The following GLE1 variants were observed in gnomAD, a reference collection of about 807,000 sequenced individuals.
The protein encoded by GLE1 is GLE1 RNA export mediator, also known as mRNA export factor GLE1.
In GLE1, 78 loss-of-function variants were observed where a neutral mutation model predicts 97.3. That is an observed-to-expected ratio of 0.80 (90% CI 0.67 to 0.97). The LOEUF is 0.97. GLE1 is among the 50% of genes least tolerant of loss of function. The pLI is 0.00. For missense variants in GLE1, 753 were observed against 857.5 expected (o/e 0.88, Z 1.52); for synonymous variants, 302 against 313.4 (o/e 0.96, Z 0.39).
Position 128,504,898 on chromosome 9 carries a change from G to A in GLE1, c.93G>A (p.Arg31=). ...GCTACTACCGCGACTGGCTGCTGCG[G>A]CGCGAGGTGAGCGGTGGCCCCGGAG... The part of the protein sequence containing the change: ...RLCYYRDWLL[R]REDVLEECMS... The change falls in exon 1 of 16, where the codon CGG becomes CGA. Residue 31 remains arginine (R), a synonymous_variant. Coordinates refer to ENST00000309971, the MANE Select transcript of GLE1 (RefSeq NM_001003722.2). 6.2e-7 allele frequency: 1 copy of A among 1,606,378 alleles called. No individual in the cohort carries two copies. Among genetic ancestry groups the A allele is most frequent in the Non-Finnish European group, 8.5e-7 (1 of 1,173,100 alleles).
intron 13 of GLE1, among the ~76,000 whole-genome samples, chr9:128,538,391 G>A (rs778597703): frequency 6.6e-5 from 10 of 152,152 alleles, no homozygotes; most frequent in Non-Finnish European, 1.2e-4. Context: ...GGCCGGGTGC[G>A]GTGGATCACA....
chr9:128,517,293 A>G (rs1847017112), intron 3 of GLE1, among the ~76,000 whole-genome samples: 1 of 152,066 alleles, frequency 6.6e-6, no homozygotes, highest in Non-Finnish European at 1.5e-5. Flanking sequence ...TTATCTCAAA[A>G]AAAAAAAAGA....
intron 3 of GLE1, among the ~76,000 whole-genome samples, chr9:128,522,241 A>G (rs766263704): frequency 6.6e-6 from 1 of 152,216 alleles, no homozygotes; most frequent in African/African-American, 2.4e-5. Context: ...AGGAGAAAGG[A>G]TATTCCTGCA....
chr9:128,508,765 T>C, intron 1 of GLE1, 111 bp from the exon 2 acceptor site: 3 of 735,250 alleles, frequency 4.1e-6, no homozygotes, highest in Non-Finnish European at 7.4e-6. Context: ...TTACTTTGGG[T>C]CTTTGATGTT....
intron 1 of GLE1, among the ~76,000 whole-genome samples, chr9:128,508,064 C>T: frequency 6.6e-6 from 1 of 151,832 alleles, no homozygotes; most frequent in Non-Finnish European, 1.5e-5. Flanking sequence ...CCTGTAATCC[C>T]AGCTACTCAG....
intron 9 of GLE1, among the ~76,000 whole-genome samples, chr9:128,528,292 CTG>C (rs1163102562): frequency 6.7e-6 from 1 of 149,950 alleles, no homozygotes; most frequent in Non-Finnish European, 1.5e-5. Flanking sequence ...GCGTGAGCCA[CTG>C]TGCCCAGCCC....
intron 9 of GLE1, 77 bp from the exon 10 acceptor site, chr9:128,533,427 CAAAAAAAAA>C (rs5900802): frequency 3.7e-4 from 169 of 453,580 alleles, no homozygotes; most frequent in African/African-American, 1.1e-3. Context: ...GATACTGTCT[CAAAAAAAAA>C]AAAAAAAAAA....
At chr9:128,528,857 A>G (rs564287937) in intron 9 of GLE1, 1 of 152,194 alleles carries the variant, frequency 6.6e-6, no homozygotes, top group South Asian at 2.1e-4. Context: ...CTTCTTTAGA[A>G]CCAGAGGTTC....
intron 9 of GLE1, among the ~76,000 whole-genome samples, chr9:128,530,163 T>A (rs985071037): frequency 6.6e-6 from 1 of 152,174 alleles, no homozygotes; most frequent in East Asian, 1.9e-4. Flanking sequence ...ATTACCTGAA[T>A]GCTGATGACT....
intron 3 of GLE1, among the ~76,000 whole-genome samples, chr9:128,518,156 AT>A (rs552374884): frequency 2.0e-3 from 277 of 141,672 alleles, no homozygotes; most frequent in African/African-American, 3.5e-3. Flanking sequence ...TGCCTGGCCT[AT>A]TTTTTTTTTT....
chr9:128,540,975 T>A (rs1847868169), intron 15 of GLE1, 127 bp from the exon 16 acceptor site: 1 of 733,246 alleles, frequency 1.4e-6, no homozygotes, highest in Non-Finnish European at 2.5e-6. Flanking sequence ...CTTACTGGCT[T>A]TTTCCTTTTT....
At position 128,523,822 on chromosome 9, in the gene GLE1, A is replaced by G. The variant is rs752667813; in HGVS notation, c.873A>G (p.Ser291=). 6.8e-6 allele frequency: 11 copies of G among 1,614,032 alleles called. No individual in the cohort carries two copies. The South Asian group carries it at 1.2e-4, about 18-fold the overall frequency. The change falls in exon 6 of 16, where the codon TCA becomes TCG. Residue 291 remains serine (S), a synonymous_variant. Transcript: ENST00000309971. ...TRGNQLCSLI[S]GIIRASSESS... The stretch of plus-strand genomic sequence containing the variant: ...GCAACCAGCTGTGCAGCCTCATCTC[A>G]GGGATCATCCGGGCCTCTTCAGAGG...
chr9:128,528,524 C>T lies in GLE1; in HGVS notation c.1312+999C>T, dbSNP rs1327194351. Among the ~76,000 whole-genome samples, 3 of 150,666 alleles carry T rather than the reference C, an allele frequency of 2.0e-5. No individual in the cohort carries two copies. The East Asian group carries it at 5.9e-4, about 30-fold the overall frequency. On this transcript the variant is annotated intron_variant, in intron 9 of 15. Transcript: ENST00000309971. ...TTCACCGTGTTAACCAGGATGGTCT[C>T]GACCTCCTGACCTTGTGATCCGCCC...
chr9:128,530,256 AT>A (rs1396619632), intron 9 of GLE1, among the ~76,000 whole-genome samples: 1 of 152,122 alleles, frequency 6.6e-6, no homozygotes, highest in East Asian at 1.9e-4. Context: ...CTCTGCCTAT[AT>A]GTCTCTTAGC....
At chr9:128,523,400 A>G (rs1335396055) in intron 5 of GLE1, 60 bp downstream of exon 5, 2 of 1,503,408 alleles carry the variant, frequency 1.3e-6, no homozygotes, top group East Asian at 2.3e-5. Context: ...CTGCCTGGAG[A>G]GCCAGGTTTT....
In GLE1 at chr9:128,522,821, G is replaced by T. The variant is rs759390064; in HGVS notation, c.581+5G>T. 1 of 1,613,564 alleles carries T rather than the reference G, an allele frequency of 6.2e-7. No homozygotes were observed. The highest frequency in any genetic ancestry group is 1.1e-5 in the South Asian group (1 of 91,062). On this transcript the variant is annotated splice_donor_5th_base_variant and intron_variant, in intron 4 of 15. Coordinates refer to ENST00000309971, the MANE Select transcript of GLE1 (RefSeq NM_001003722.2). ...GCGGGAAGTAATGGAGAAGAGGTGA[G>T]TCTCCCTGAATTATGACTGGGAATG...
At chr9:128,530,193 T>C (rs1847449155) in intron 9 of GLE1, among the ~76,000 whole-genome samples, 1 of 152,202 alleles carries the variant, frequency 6.6e-6, no homozygotes, top group Non-Finnish European at 1.5e-5. Flanking sequence ...ACCTCTGGTT[T>C]ATTCCTTTCT....
intron 7 of GLE1, among the ~76,000 whole-genome samples, chr9:128,526,365 GT>G (rs1029947495): frequency 6.7e-6 from 1 of 148,528 alleles, no homozygotes; most frequent in East Asian, 2.0e-4. Context: ...TTTTGTTTTT[GT>G]TTTTTTTGAG....
At chr9:128,522,916 C>T (rs1473503963) in intron 4 of GLE1, 100 bp downstream of exon 4, 125 of 1,342,804 alleles carry the variant, frequency 9.3e-5, no homozygotes, top group Non-Finnish European at 9.0e-5. Context: ...ACTTCTGAGT[C>T]CTTAAATATC....
Sources: allele counts gnomAD v4.1 joint callset (sites outside exome capture counted in the v4.1 genomes callset), GRCh38; gene constraint gnomAD v4.1.1; transcripts MANE v1.5; gene names NCBI Gene and HGNC (gene_info 2026-07-23, HGNC 2026-07-21).